Variants in PRKN observed in about 807,000 individuals in gnomAD.
PRKN encodes the protein parkin RBR E3 ubiquitin protein ligase, also known as E3 ubiquitin-protein ligase parkin.
PRKN carries 56 observed loss-of-function variants against 59.5 expected under a neutral mutation model. The observed-to-expected ratio is 0.94, with a 90% CI of 0.76 to 1.18. The LOEUF is 1.18. PRKN is among the 50% of genes most tolerant of loss of function. PRKN has a pLI of 0.00. For synonymous variants in PRKN, 250 were observed against 222.1 expected (o/e 1.13, Z -1.12); for missense variants, 657 against 596.4 (o/e 1.10, Z -1.06).
chr6:162,511,571 T>G (rs1304159976), intron 1 of PRKN, among the ~76,000 whole-genome samples: 3 of 152,212 alleles, frequency 2.0e-5, no homozygotes, highest in Non-Finnish European at 4.4e-5. Flanking sequence ...AATCAGAATC[T>G]AAGCCATCAT....
chr6:162,177,908 G>A (rs1415281103), intron 4 of PRKN, among the ~76,000 whole-genome samples: 1 of 152,116 alleles, frequency 6.6e-6, no homozygotes, highest in East Asian at 1.9e-4. Flanking sequence ...CCGGATGTGT[G>A]GGTGTCCTTC....
At chr6:162,113,678 G>A (rs564351267) in intron 4 of PRKN, among the ~76,000 whole-genome samples, 9 of 152,222 alleles carry the variant, frequency 5.9e-5, no homozygotes, top group East Asian at 1.9e-4. Context: ...TCCCAGGATC[G>A]GTAGTTACCC....
intron 6 of PRKN, among the ~76,000 whole-genome samples, chr6:161,922,489 G>A (rs1391892396): frequency 6.6e-6 from 1 of 152,130 alleles, no homozygotes; most frequent in East Asian, 1.9e-4. Flanking sequence ...ACATATGTGT[G>A]TGTATATATA....
chr6:162,437,361 A>T (rs1789828365), intron 2 of PRKN, among the ~76,000 whole-genome samples: 3 of 152,206 alleles, frequency 2.0e-5, no homozygotes, highest in South Asian at 2.1e-4. Context: ...GGTTTTTTTT[A>T]AATTCAACTT....
chr6:161,756,708 A>G (rs1562659182), intron 7 of PRKN, among the ~76,000 whole-genome samples: 1 of 152,026 alleles, frequency 6.6e-6, no homozygotes, highest in Non-Finnish European at 1.5e-5. Flanking sequence ...GGGTTGAAAG[A>G]TATGGAGGCA....
intron 1 of PRKN, among the ~76,000 whole-genome samples, chr6:162,492,564 C>T (rs761705177): frequency 1.3e-4 from 20 of 152,268 alleles, no homozygotes; most frequent in South Asian, 4.2e-4. Flanking sequence ...TTTGGGAGGC[C>T]GAGGCAGGTG....
intron 1 of PRKN, among the ~76,000 whole-genome samples, chr6:162,661,870 T>C (rs1778896476): frequency 6.6e-6 from 1 of 152,214 alleles, no homozygotes; most frequent in Non-Finnish European, 1.5e-5. Flanking sequence ...GCAGGTTTCT[T>C]ACATGCGTAT....
rs1256665692 is a variant in PRKN, at chr6:161,359,041, G to A, written c.1285+1047C>T. Among the ~76,000 whole-genome samples, 1 of 151,852 alleles carries A rather than the reference G, an allele frequency of 6.6e-6. No homozygotes were observed. The highest frequency in any genetic ancestry group is 1.5e-5 in the Non-Finnish European group (1 of 67,952). ...GACCTCCTGACCTTGTGATCCACCC[G>A]CCTCCGCCTCCCAAAGTGCTGGGAT... On this transcript the variant is annotated intron_variant, in intron 11 of 11. Transcript: ENST00000366898. This position sits in a 1 kb window ranked among gnomAD's most constrained non-coding sequence, Gnocchi z 5.4.
At chr6:161,629,079 G>A (rs749118518) in intron 7 of PRKN, among the ~76,000 whole-genome samples, 7 of 152,298 alleles carry the variant, frequency 4.6e-5, no homozygotes, top group South Asian at 2.1e-4. Flanking sequence ...GAGGAATGGC[G>A]TCTTCGTGGA....
chr6:161,715,051 C>T (rs907127892), intron 7 of PRKN, among the ~76,000 whole-genome samples: 4 of 152,208 alleles, frequency 2.6e-5, no homozygotes, highest in Admixed American at 6.5e-5. Context: ...TAACATTCCT[C>T]GTCTACAAGG....
intron 7 of PRKN, among the ~76,000 whole-genome samples, chr6:161,616,910 T>C (rs776171077): frequency 1.3e-5 from 2 of 152,214 alleles, no homozygotes; most frequent in Non-Finnish European, 2.9e-5. Context: ...TTTATAATCA[T>C]TTGGGTATAT....
intron 6 of PRKN, among the ~76,000 whole-genome samples, chr6:161,939,720 A>C (rs1371647397): frequency 6.6e-6 from 1 of 152,160 alleles, no homozygotes. Flanking sequence ...TGACAGGAGC[A>C]AAACCTCATC....
rs1790884016 is a variant in PRKN at position 161,473,293 on chromosome 6, T to C, written c.1083+75561A>G. ...GATAAAGAAATTGTGGAATATATTA[T>C]ATACATATATATTAGGGAGAGGGGA... On this transcript the variant is annotated intron_variant, in intron 9 of 11. Coordinates refer to ENST00000366898, the MANE Select transcript of PRKN (RefSeq NM_004562.3). This position sits in a 1 kb window ranked among gnomAD's most constrained non-coding sequence, Gnocchi z 4.1. Among the ~76,000 whole-genome samples the C allele has an allele frequency of 6.6e-6, 1 of 151,458 alleles. No homozygotes were observed. The highest frequency in any genetic ancestry group is 2.4e-5 in the African/African-American group (1 of 41,288).
intron 7 of PRKN, among the ~76,000 whole-genome samples, chr6:161,750,155 G>A (rs1404398088): frequency 2.1e-5 from 3 of 142,550 alleles, no homozygotes. Context: ...ATATAAATTA[G>A]TACAAAATTG....
rs1447059230 is a variant in PRKN at position 161,584,575 on chromosome 6, G to A, written c.872-15159C>T. 6.6e-6 allele frequency among the ~76,000 whole-genome samples: 1 copy of A among 152,150 alleles called. No homozygotes were observed. The highest frequency in any genetic ancestry group is 2.4e-5 in the African/African-American group (1 of 41,440). On this transcript the variant is annotated intron_variant, in intron 7 of 11. Transcript: ENST00000366898. The surrounding 1 kb of genome is among the most constrained non-coding windows in gnomAD (Gnocchi z 4.8). The stretch of plus-strand genomic sequence containing the variant: ...CCATCCAAAGGTAAAAAGAAATGAT[G>A]TTGAGGATTTCCTGGTTTTATTGTA...
intron 1 of PRKN, chr6:162,644,048 A>G (rs1021374577): frequency 6.6e-5 from 10 of 152,202 alleles, no homozygotes; most frequent in Non-Finnish European, 1.2e-4. Flanking sequence ...AATTCTCCCA[A>G]GCCCAGCTCT....
At chr6:161,605,392 T>A (rs547360378) in intron 7 of PRKN, among the ~76,000 whole-genome samples, 1 of 152,354 alleles carries the variant, frequency 6.6e-6, no homozygotes, top group South Asian at 2.1e-4. Flanking sequence ...TGTATTTTGA[T>A]ATTTCAAATG....
chr6:162,548,974 C>T (rs998368861), intron 1 of PRKN, among the ~76,000 whole-genome samples: 2 of 125,952 alleles, frequency 1.6e-5, no homozygotes, highest in Admixed American at 7.8e-5. Flanking sequence ...AAAGGGATTT[C>T]CCATCATATC....
intron 9 of PRKN, among the ~76,000 whole-genome samples, chr6:161,489,137 A>G (rs1419202957): frequency 2.0e-5 from 3 of 152,028 alleles, no homozygotes; most frequent in African/African-American, 7.2e-5. Flanking sequence ...CCTTCTTCCT[A>G]TCCCTCCCTT....
Sources: gnomAD v4.1 joint callset for allele counts (sites outside exome capture counted in the v4.1 genomes callset) on GRCh38, gnomAD v4.1.1 for gene constraint, Gnocchi (gnomAD v3.1) non-coding constraint, MANE v1.5 for transcripts, NCBI Gene and HGNC (gene_info 2026-07-23, HGNC 2026-07-21) for gene names.